The following SMURF1 variants were observed in gnomAD, a reference collection of about 807,000 sequenced individuals.
SMURF1 encodes E3 ubiquitin-protein ligase SMURF1.
In SMURF1, 44 loss-of-function variants were observed where a neutral mutation model predicts 98.0. The ratio of observed to expected loss-of-function variants is 0.45; its 90% confidence interval spans 0.35 to 0.58. SMURF1 has a LOEUF of 0.58. Among genes scored for constraint, SMURF1 ranks in the 20% least tolerant of loss-of-function variants. The pLI is 0.00. For synonymous variants in SMURF1, 396 were observed against 374.9 expected (o/e 1.06, Z -0.65); for missense variants, 687 against 938.4 (o/e 0.73, Z 3.50).
At chr7:99,128,078 G>A (rs939402173) in intron 1 of SMURF1, among the ~76,000 whole-genome samples, 1 of 151,878 alleles carries the variant, frequency 6.6e-6, no homozygotes, top group Non-Finnish European at 1.5e-5. Context: ...ACCCTCTGGG[G>A]TTTCCAAAAA....
chr7:99,073,744 T>G (rs372280902), intron 1 of SMURF1, among the ~76,000 whole-genome samples: 76 of 149,926 alleles, frequency 5.1e-4, no homozygotes, highest in African/African-American at 1.8e-3. Flanking sequence ...CCAGCCTGGG[T>G]GACAGAGTGA....
intron 1 of SMURF1, among the ~76,000 whole-genome samples, chr7:99,123,394 A>G (rs1284915315): frequency 1.3e-5 from 2 of 152,070 alleles, no homozygotes; most frequent in Non-Finnish European, 1.5e-5. Flanking sequence ...TTAGCCGGGC[A>G]TGGTAGTGCA....
chr7:99,058,119 ATTTATT>A (rs1795930545), intron 3 of SMURF1, among the ~76,000 whole-genome samples: 1 of 151,690 alleles, frequency 6.6e-6, no homozygotes, highest in Non-Finnish European at 1.5e-5. Flanking sequence ...ACTATATTTT[ATTTATT>A]TTTATTTATT....
rs1460549061 is a variant in SMURF1, at chr7:99,122,348, AG to A, written c.55+21377del. 1.4e-4 allele frequency among the ~76,000 whole-genome samples: 20 copies of A among 145,010 alleles called. 1 individual carries two copies. Among genetic ancestry groups the A allele is most frequent in the African/African-American group, 2.8e-4 (11 of 38,746 alleles). ...GTCTCAAAAAAAAAAAAGAAGAAGA[AG>A]AAGAAAAAAAAAGGCCGGGCGCAGT... On this transcript the variant is annotated intron_variant, in intron 1 of 17. Transcript: ENST00000361368.
intron 7 of SMURF1, 123 bp from the exon 8 acceptor site, chr7:99,051,564 G>C (rs1000101350): frequency 5.5e-5 from 42 of 764,064 alleles, no homozygotes; most frequent in Non-Finnish European, 8.4e-5. Context: ...TCTTATCCCA[G>C]TTCTTCTCTC....
chr7:99,112,567 A>G (rs1306290610), intron 1 of SMURF1, among the ~76,000 whole-genome samples: 2 of 152,222 alleles, frequency 1.3e-5, no homozygotes, highest in Non-Finnish European at 2.9e-5. Flanking sequence ...TATACAAAAA[A>G]TCCAGTTTGG....
At chr7:99,102,822 G>C (rs1337614301) in intron 1 of SMURF1, among the ~76,000 whole-genome samples, 2 of 151,746 alleles carry the variant, frequency 1.3e-5, no homozygotes, top group African/African-American at 4.8e-5. Flanking sequence ...GCATTTTTTT[G>C]GTTTTTTTGT....
intron 3 of SMURF1, among the ~76,000 whole-genome samples, chr7:99,059,645 C>A (rs1266891479): frequency 6.6e-6 from 1 of 152,000 alleles, no homozygotes; most frequent in East Asian, 1.9e-4. Context: ...TACAGTGGCT[C>A]ACGCCTGTAA....
chr7:99,066,999 T>C lies in SMURF1; in HGVS notation c.56-5162A>G, dbSNP rs143990672. On this transcript the variant is annotated intron_variant, in intron 1 of 17. Coordinates refer to ENST00000361368, the MANE Select transcript of SMURF1 (RefSeq NM_181349.3). ...CTCATTGTATTTGGATTTTTTTTTCTTTTTTTTTTTTTTTGAGACAGAGTC... is the reference window on the plus strand; with the variant it reads ...CTCATTGTATTTGGATTTTTTTTTCCTTTTTTTTTTTTTTGAGACAGAGTC... Among the ~76,000 whole-genome samples the C allele has an allele frequency of 4.6e-3, 136 of 29,444 alleles. No individual in the cohort carries two copies. In the African/African-American group the frequency reaches 0.096, roughly 21 times the overall value. The allele number at this position is 29,444 out of a possible 152,430, so 19.3% of individuals were successfully genotyped here.
At chr7:99,067,027 G>T (rs1796212062) in intron 1 of SMURF1, among the ~76,000 whole-genome samples, 1 of 140,086 alleles carries the variant, frequency 7.1e-6, no homozygotes, top group African/African-American at 2.7e-5. Flanking sequence ...ACAGAGTCTC[G>T]CTCTGTCACC....
chr7:99,089,200 C>CA (rs35381081), intron 1 of SMURF1, among the ~76,000 whole-genome samples: 10,873 of 123,582 alleles, frequency 0.088, 465 homozygotes, highest in East Asian at 0.2. Flanking sequence ...GAGACTCTGT[C>CA]AAAAAAAAAA....
At chr7:99,065,907 G>A (rs2150549791) in intron 1 of SMURF1, among the ~76,000 whole-genome samples, 1 of 152,320 alleles carries the variant, frequency 6.6e-6, no homozygotes, top group Admixed American at 6.5e-5. Context: ...TTAGCTGGGT[G>A]TGGAGGTGCG....
In SMURF1 at chr7:99,049,546, T is replaced by A. The variant is rs748121637; in HGVS notation, c.953+17A>T. On this transcript the variant is annotated intron_variant, in intron 9 of 17. Coordinates refer to ENST00000361368, the MANE Select transcript of SMURF1 (RefSeq NM_181349.3). ...ACCAATGAAAGAGGTCAGCAAAAAA[T>A]ATTTTTAAAGTCTTACTTCATGATG... is the stretch of plus-strand genomic sequence containing the variant. The A allele has an allele frequency of 1.9e-6, 3 of 1,606,440 alleles. No individual in the cohort carries two copies. Among genetic ancestry groups the A allele is most frequent in the Non-Finnish European group, 2.5e-6 (3 of 1,177,004 alleles).
chr7:99,035,489 A>C, intron 16 of SMURF1, 26 bp downstream of exon 16: 1 of 1,613,316 alleles, frequency 6.2e-7, no homozygotes, highest in Non-Finnish European at 8.5e-7. Flanking sequence ...CGCGTCATCG[A>C]ATAGCCCTGC....
At chr7:99,042,625 T>G (rs2072173) in intron 11 of SMURF1, among the ~76,000 whole-genome samples, 15,066 of 152,190 alleles carry the variant, frequency 0.099, 813 homozygotes, top group East Asian at 0.22. Context: ...TTTATTATTT[T>G]AAAAACCCCA....
rs1380626623 is a variant in SMURF1, at chr7:99,063,298, TATATATAA to T, written c.56-1469_56-1462del. ...ATATATATATATATATATATATATATATATATAAAAAGAGACAGGGTCTCACTCCGTCA... is the reference window on the plus strand; with the variant it reads ...ATATATATATATATATATATATATATAAAGAGACAGGGTCTCACTCCGTCA... On this transcript the variant is annotated intron_variant, in intron 1 of 17. Coordinates refer to ENST00000361368, the MANE Select transcript of SMURF1 (RefSeq NM_181349.3). Among the ~76,000 whole-genome samples the T allele has an allele frequency of 1.7e-3, 42 of 25,276 alleles. 6 individuals are homozygous for T. The highest frequency in any genetic ancestry group is 4.7e-3 in the South Asian group (4 of 850). The allele number at this position is 25,276 out of a possible 152,430, so 16.6% of individuals were successfully genotyped here. A position where few individuals can be genotyped will look rare whatever the true frequency, so the allele number is the denominator to read the frequency against.
intron 1 of SMURF1, among the ~76,000 whole-genome samples, chr7:99,106,211 A>C (rs1387475999): frequency 1.3e-5 from 2 of 152,204 alleles, no homozygotes; most frequent in African/African-American, 4.8e-5. Context: ...TAGTTGTTCA[A>C]TCAACAACTA....
At chr7:99,041,580 C>T (rs781519233) in intron 12 of SMURF1, among the ~76,000 whole-genome samples, 4 of 152,232 alleles carry the variant, frequency 2.6e-5, no homozygotes, top group Non-Finnish European at 2.9e-5. Flanking sequence ...GTCCCGACTT[C>T]GCCTCAGTGG....
intron 1 of SMURF1, among the ~76,000 whole-genome samples, chr7:99,141,967 G>A (rs558082858): frequency 7.2e-4 from 109 of 152,314 alleles, no homozygotes; most frequent in African/African-American, 2.2e-3. Context: ...AAATATTCGA[G>A]TTTGGAAAGT....
Sources: gnomAD v4.1 joint callset for allele counts (sites outside exome capture counted in the v4.1 genomes callset) on GRCh38, gnomAD v4.1.1 for gene constraint, MANE v1.5 for transcripts, NCBI Gene and HGNC (gene_info 2026-07-23, HGNC 2026-07-21) for gene names.